The following JAZF1 variants were observed in gnomAD, a reference collection of about 807,000 sequenced individuals.
JAZF1 encodes juxtaposed with another zinc finger protein 1.
JAZF1 carries 8 observed loss-of-function variants against 26.4 expected under a neutral mutation model. The observed-to-expected ratio is 0.30, with a 90% confidence interval of 0.18 to 0.55. JAZF1 has a LOEUF of 0.55. Among genes scored for constraint, JAZF1 ranks in the 20% least tolerant of loss-of-function variants. JAZF1 has a pLI of 0.94. For missense variants in JAZF1, 199 were observed against 322.0 expected, an observed-to-expected ratio of 0.62 and a Z score of 2.92; for synonymous variants, 126 against 122.3, an observed-to-expected ratio of 1.03 and a Z score of -0.20.
At chr7:27,852,974 T>A (rs747211737) in intron 3 of JAZF1, among the ~76,000 whole-genome samples, 4 of 152,202 alleles carry the variant, frequency 2.6e-5, no homozygotes, top group East Asian at 3.9e-4. Context: ...TTAATCAAAG[T>A]TATAATTGCA....
chr7:28,068,537 T>C (rs1783922205), intron 1 of JAZF1, among the ~76,000 whole-genome samples: 1 of 152,148 alleles, frequency 6.6e-6, no homozygotes, highest in Non-Finnish European at 1.5e-5. Flanking sequence ...GGAATGGCAC[T>C]AATAAGATTT....
At chr7:28,124,519 G>C (rs1474172055) in intron 1 of JAZF1, among the ~76,000 whole-genome samples, 1 of 152,132 alleles carries the variant, frequency 6.6e-6, no homozygotes, top group African/African-American at 2.4e-5. Context: ...ATCTTCATTT[G>C]ACCAATAAGG....
chr7:27,983,102 C>T (rs1435267404), intron 2 of JAZF1, among the ~76,000 whole-genome samples: 1 of 152,146 alleles, frequency 6.6e-6, no homozygotes, highest in Non-Finnish European at 1.5e-5. Flanking sequence ...ATGACTTTGA[C>T]GAGTTGAGAG....
chr7:27,887,080 G>A (rs188889561), intron 3 of JAZF1, among the ~76,000 whole-genome samples: 1 of 152,196 alleles, frequency 6.6e-6, no homozygotes, highest in African/African-American at 2.4e-5. Flanking sequence ...AGAATACATG[G>A]ACACATACGG....
At chr7:28,119,993 A>G in intron 1 of JAZF1, among the ~76,000 whole-genome samples, 1 of 152,200 alleles carries the variant, frequency 6.6e-6, no homozygotes, top group South Asian at 2.1e-4. Context: ...GCAGTCAGCA[A>G]GACAGATGTA....
chr7:27,969,371 C>T (rs1785334539), intron 2 of JAZF1, among the ~76,000 whole-genome samples: 4 of 152,000 alleles, frequency 2.6e-5, no homozygotes, highest in Non-Finnish European at 1.5e-5. Context: ...TTACACAGGG[C>T]CATGTTGTCA....
intron 1 of JAZF1, among the ~76,000 whole-genome samples, chr7:28,011,883 G>T (rs908210088): frequency 6.6e-5 from 10 of 152,044 alleles, no homozygotes; most frequent in African/African-American, 2.2e-4. Flanking sequence ...CCATTAAAAG[G>T]GACTTAAGGG....
At chr7:28,025,839 C>T (rs1014502606) in intron 1 of JAZF1, among the ~76,000 whole-genome samples, 2 of 152,112 alleles carry the variant, frequency 1.3e-5, no homozygotes, top group Admixed American at 6.6e-5. Context: ...AGAGCTAGGG[C>T]GGAGCTGGGG....
At chr7:27,845,905 C>G (rs375615612) in intron 3 of JAZF1, among the ~76,000 whole-genome samples, 1 of 151,972 alleles carries the variant, frequency 6.6e-6, no homozygotes, top group Non-Finnish European at 1.5e-5. Flanking sequence ...TCCTCTACCC[C>G]ACCCTTTCCA....
intron 2 of JAZF1, among the ~76,000 whole-genome samples, chr7:27,951,182 G>A (rs1352443161): frequency 6.6e-6 from 1 of 152,060 alleles, no homozygotes; most frequent in African/African-American, 2.4e-5. Context: ...TTATAATTAA[G>A]CTTATCACTC....
chr7:28,077,859 AG>A (rs1784076396), intron 1 of JAZF1, among the ~76,000 whole-genome samples: 1 of 152,142 alleles, frequency 6.6e-6, no homozygotes, highest in African/African-American at 2.4e-5. Context: ...ATGGAAACTG[AG>A]GAAGTGGTAA....
chr7:27,968,775 G>A (rs1429273564), intron 2 of JAZF1, among the ~76,000 whole-genome samples: 2 of 152,124 alleles, frequency 1.3e-5, no homozygotes, highest in South Asian at 2.1e-4. Flanking sequence ...CAGGAGAACT[G>A]TACATCACTG....
chr7:28,043,044 C>T (rs73683948), intron 1 of JAZF1, among the ~76,000 whole-genome samples: 16,447 of 152,128 alleles, frequency 0.11, 1,544 homozygotes, highest in East Asian at 0.37. Flanking sequence ...AAATGTAAGA[C>T]AGATTTGAAA....
chr7:28,011,211 A>C (rs150989475), intron 1 of JAZF1, among the ~76,000 whole-genome samples: 13 of 152,342 alleles, frequency 8.5e-5, no homozygotes, highest in African/African-American at 2.9e-4. Context: ...GAGAGAAGGA[A>C]AAAAAGATAA....
intron 1 of JAZF1, among the ~76,000 whole-genome samples, chr7:28,119,176 T>G (rs1784797824): frequency 6.6e-6 from 1 of 152,096 alleles, no homozygotes; most frequent in East Asian, 1.9e-4. Context: ...CTGCTTCCCA[T>G]GGCAACCTGC....
intron 2 of JAZF1, among the ~76,000 whole-genome samples, chr7:27,942,356 A>G (rs1784860490): frequency 6.6e-6 from 1 of 152,190 alleles, no homozygotes; most frequent in Non-Finnish European, 1.5e-5. Context: ...GTAGGTACAA[A>G]TGTCTTAAAG....
chr7:28,169,988 T>C (rs1783429539), intron 1 of JAZF1, among the ~76,000 whole-genome samples: 1 of 152,106 alleles, frequency 6.6e-6, no homozygotes, highest in Non-Finnish European at 1.5e-5. Context: ...ATGTGTGCCT[T>C]CTCTGTGGAT....
chr7:27,941,391 A>T (rs1562535543), intron 2 of JAZF1, among the ~76,000 whole-genome samples: 2 of 152,188 alleles, frequency 1.3e-5, no homozygotes, highest in African/African-American at 4.8e-5. Context: ...ATTTTCTTTC[A>T]GCCTGCAGTT....
chr7:28,033,944 C>T (rs1055890666), intron 1 of JAZF1, among the ~76,000 whole-genome samples: 3 of 152,040 alleles, frequency 2.0e-5, no homozygotes, highest in East Asian at 1.9e-4. Flanking sequence ...GGTTTCACCA[C>T]GTTGGCCAAG....
Sources: allele counts gnomAD v4.1 joint callset (sites outside exome capture counted in the v4.1 genomes callset), GRCh38; gene constraint gnomAD v4.1.1; transcripts MANE v1.5; gene names NCBI Gene and HGNC (gene_info 2026-07-23, HGNC 2026-07-21).